The following GRIN3B variants were observed in gnomAD, a reference collection of about 807,000 sequenced individuals.
GRIN3B encodes glutamate receptor ionotropic, NMDA 3B.
GRIN3B carries 77 observed loss-of-function variants against 66.0 expected under a neutral mutation model. The ratio of observed to expected loss-of-function variants is 1.17; its 90% CI spans 0.97 to 1.41. The LOEUF is 1.41. Among genes scored for constraint, GRIN3B ranks in the 40% most tolerant of loss-of-function variants. GRIN3B has a pLI of 0.00. For synonymous variants in GRIN3B, 823 were observed against 749.7 expected (o/e 1.10, Z -1.60); for missense variants, 1,787 against 1,564.5 (o/e 1.14, Z -2.40).
In GRIN3B at chr19:1,009,410, C is replaced by A. The variant is rs1242542930; in HGVS notation, c.2940C>A (p.Pro980=). 7.0e-7 allele frequency: 1 copy of A among 1,435,508 alleles called. No individual in the cohort carries two copies. The allele number at this position is 1,435,508 out of a possible 1,614,324, so 88.9% of individuals were successfully genotyped here. The part of the protein sequence containing the change: ...PAARPTGAPQ[P]GELQELERRI... Reference sequence around the variant, plus strand: ...CAAGGCCCACGGGGGCCCCCCAGCCCGGGGAGCTGCAGGAGCTGGAGCGCC... The same window carrying A: ...CAAGGCCCACGGGGGCCCCCCAGCCAGGGGAGCTGCAGGAGCTGGAGCGCC... The change falls in exon 9 of 9, where the codon CCC becomes CCA. Residue 980 remains proline, a synonymous_variant. Transcript: ENST00000234389.
In GRIN3B at chr19:1,008,692, C is replaced by T. The variant is rs1001631342; in HGVS notation, c.2541C>T (p.Leu847=). The T allele has an allele frequency of 4.4e-6, 7 of 1,607,084 alleles. No homozygotes were observed. The highest frequency in any genetic ancestry group is 5.9e-6 in the Non-Finnish European group (7 of 1,179,740). The change falls in exon 7 of 9, where the codon CTC becomes CTT. Residue 847 remains leucine (L), a synonymous_variant. Transcript: ENST00000234389. ...LLCLGLGSAL[L]SSLGEHAFFR... is the part of the protein sequence containing the mutation. ...GCCTGGGCCTGGGCAGCGCTCTGCT[C>T]AGCTCGCTGGGCGAGCACGCCTTCT...
chr19:1,009,296 G>A lies in GRIN3B; in HGVS notation c.2826G>A (p.Val942=). The change falls in exon 9 of 9, where the codon GTG becomes GTA. Residue 942 remains valine, a synonymous_variant. Transcript: ENST00000234389. ...TGCGCTTCCTGCTGGAGCCCGCCGT[G>A]GTTGTGGCACCCGAAGCGGACGCGG... ...RRVRFLLEPA[V]VVAPEADAEA... 1 of 1,411,144 alleles carries A rather than the reference G, an allele frequency of 7.1e-7. No homozygotes were observed. The highest frequency in any genetic ancestry group is 9.2e-7 in the Non-Finnish European group (1 of 1,092,806). The allele number at this position is 1,411,144 out of a possible 1,614,324, so 87.4% of individuals were successfully genotyped here. A position where few individuals can be genotyped will look rare whatever the true frequency, so the allele number is the denominator to read the frequency against.
chr19:1,000,726 C>A lies in GRIN3B; in HGVS notation c.289C>A (p.Pro97Thr), dbSNP rs1421023282. The A allele has an allele frequency of 4.2e-6, 6 of 1,428,016 alleles. No homozygotes were observed. Among genetic ancestry groups the A allele is most frequent in the Non-Finnish European group, 5.5e-6 (6 of 1,093,770 alleles). The allele number at this position is 1,428,016 out of a possible 1,614,324, so 88.5% of individuals were successfully genotyped here. A position where few individuals can be genotyped will look rare whatever the true frequency, so the allele number is the denominator to read the frequency against. The change falls in exon 1 of 9, where the codon CCT becomes ACT. Residue 97 changes from proline to threonine, a missense_variant. Physicochemically the swap from Pro to Thr is conservative, Grantham distance 38. Coordinates refer to ENST00000234389, the MANE Select transcript of GRIN3B (RefSeq NM_138690.3). ...CCGCGGCCTGTGCCAGGCGCTGGTG[C>A]CTCCGGGCGTGGCGGCCCTGCTCGC... is the stretch of plus-strand genomic sequence containing the variant. The part of the protein sequence containing the change: ...LTRGLCQALV[P>T]PGVAALLAFP...
rs1308094794 is a variant in GRIN3B at position 1,009,153 on chromosome 19, C to T, written c.2703-20C>T. 9 of 1,451,408 alleles carry T rather than the reference C, an allele frequency of 6.2e-6. No homozygotes were observed. Among genetic ancestry groups the T allele is most frequent in the Non-Finnish European group, 8.1e-6 (9 of 1,111,154 alleles). The allele number at this position is 1,451,408 out of a possible 1,614,324, so 89.9% of individuals were successfully genotyped here. A position where few individuals can be genotyped will look rare whatever the true frequency, so the allele number is the denominator to read the frequency against. ...GACGGCTGCCCCGGCGGACACTGAC[C>T]AGGCCGGTTCCGTCCCCAGCGGCCC... On this transcript the variant is annotated intron_variant, in intron 8 of 8. Coordinates refer to ENST00000234389, the MANE Select transcript of GRIN3B (RefSeq NM_138690.3).
Position 1,005,076 on chromosome 19 carries a change from C to T in GRIN3B, c.1575C>T (p.Ala525=), listed in dbSNP as rs2038731530. 1.2e-6 allele frequency: 2 copies of T among 1,611,702 alleles called. No homozygotes were observed. Among genetic ancestry groups the T allele is most frequent in the Admixed American group, 3.3e-5 (2 of 59,952 alleles). ...GLVGDLLAGR[A]HMAVTSFSIN... ...TCGGGGACCTGCTGGCCGGCCGGGC[C>T]CACATGGCGGTCACCAGCTTCAGTA... Residue 525 remains alanine, a synonymous_variant, in exon 3 of 9, where the codon GCC becomes GCT. Coordinates refer to ENST00000234389, the MANE Select transcript of GRIN3B (RefSeq NM_138690.3). This position sits in a 1 kb window ranked among gnomAD's most constrained non-coding sequence, Gnocchi z 5.2.
Position 1,007,371 on chromosome 19 carries a change from C to G in GRIN3B, c.2053-257C>G, listed in dbSNP as rs940143263. On this transcript the variant is annotated intron_variant, in intron 3 of 8. Coordinates refer to ENST00000234389, the MANE Select transcript of GRIN3B (RefSeq NM_138690.3). This position sits in a 1 kb window ranked among gnomAD's most constrained non-coding sequence, Gnocchi z 4.4. ...CGAGGTCCAGGTGGAGATGGACTTGCCGGCGTTTAGAACAGAGGGTCTCCA... is the reference window on the plus strand; with the variant it reads ...CGAGGTCCAGGTGGAGATGGACTTGGCGGCGTTTAGAACAGAGGGTCTCCA... Among the ~76,000 whole-genome samples, 3 of 151,960 alleles carry G rather than the reference C, an allele frequency of 2.0e-5. No homozygotes were observed. Among genetic ancestry groups the G allele is most frequent in the African/African-American group, 7.3e-5 (3 of 41,346 alleles).
intron 6 of GRIN3B, 27 bp from the exon 7 acceptor site, chr19:1,008,591 G>C (rs768879018): frequency 6.3e-7 from 1 of 1,587,378 alleles, no homozygotes; most frequent in South Asian, 1.1e-5. Flanking sequence ...ACGTGACCGT[G>C]CGGGGCTCCT....
chr19:1,002,179 A>G (rs2038690180), intron 1 of GRIN3B: 1 of 152,042 alleles, frequency 6.6e-6, no homozygotes, highest in Admixed American at 6.6e-5. Context: ...AAATACAAAA[A>G]TTAACTGGGC....
At position 1,009,367 on chromosome 19, in the gene GRIN3B, A is replaced by ACGGC. The variant is rs1397935482; in HGVS notation, c.2900_2903dup (p.Ala972ArgfsTer25). 4.6e-5 allele frequency: 63 copies of ACGGC among 1,370,198 alleles called. No homozygotes were observed. The highest frequency in any genetic ancestry group is 1.9e-4 in the East Asian group (6 of 31,760). 84.9% of individuals were successfully genotyped at this position (1,370,198 alleles called of 1,614,324 possible). A position where few individuals can be genotyped will look rare whatever the true frequency, so the allele number is the denominator to read the frequency against. On this transcript the variant is annotated frameshift_variant, in exon 9 of 9. Transcript: ENST00000234389. LOFTEE classifies it low-confidence loss of function (END_TRUNC). The stretch of plus-strand genomic sequence containing the variant: ...GAGGGCCCCGTCTGGCTGTGCTCCT[A>ACGGC]CGGCCGCCCGCCCGCCGCAAGGCCC...
At position 1,004,655 on chromosome 19, in the gene GRIN3B, C is replaced by T. The variant is rs528711346; in HGVS notation, c.1154C>T (p.Thr385Met). ...CCACGGGGCGCCCCGGCCTGGGCCA[C>T]GGTGGGCAGCTGGCGGGACGGCCAG... The part of the protein sequence containing the change: ...RDPRGAPAWA[T>M]VGSWRDGQLD... The change falls in exon 3 of 9, where the codon ACG (threonine) becomes ATG (methionine). Residue 385 changes from threonine (T) to methionine (M), a missense_variant. Transcript: ENST00000234389. 1.6e-5 allele frequency: 25 copies of T among 1,599,334 alleles called. No individual in the cohort carries two copies. The highest frequency in any genetic ancestry group is 3.3e-5 in the South Asian group (3 of 89,844).
rs148406831 is a variant in GRIN3B at position 1,007,867 on chromosome 19, C to G, written c.2210C>G (p.Pro737Arg). Reference sequence around the variant, plus strand: ...CCCGGCCCCAGCAGGAGCGACCCCCCCAAGCTCAACGCCTTCATCATGGAC... The same window carrying G: ...CCCGGCCCCAGCAGGAGCGACCCCCGCAAGCTCAACGCCTTCATCATGGAC... Reference protein sequence around the residue: ...RGVAMLTSDPPKLNAFIMDKS... With the variant: ...RGVAMLTSDPRKLNAFIMDKS... Residue 737 changes from proline (P) to arginine (R), a missense_variant, in exon 5 of 9, where the codon CCC becomes CGC. By Grantham distance (103) the Pro-to-Arg change is moderately radical (BLOSUM62 -2). Coordinates refer to ENST00000234389, the MANE Select transcript of GRIN3B (RefSeq NM_138690.3). This position sits in a 1 kb window ranked among gnomAD's most constrained non-coding sequence, Gnocchi z 4.4. 5.4e-4 allele frequency: 871 copies of G among 1,610,804 alleles called. 1 individual carries two copies. The highest frequency in any genetic ancestry group is 6.8e-4 in the Non-Finnish European group (800 of 1,178,808).
rs769343539 is a variant in GRIN3B at position 1,008,168 on chromosome 19, GC to G, written c.2345del (p.Pro782ArgfsTer45). On this transcript the variant is annotated frameshift_variant, in exon 6 of 9. Transcript: ENST00000234389. LOFTEE classifies it high-confidence loss of function. ...GYGIGLPQNS[P>X]LTSNLSEFIS... is the part of the protein sequence containing the mutation. ...ATGGGATCGGACTGCCCCAGAACTCGCCGCTCACCTCCAACCTGTCCGAGTT... is the reference window on the plus strand; with the variant it reads ...ATGGGATCGGACTGCCCCAGAACTCGCGCTCACCTCCAACCTGTCCGAGTT... 5.7e-5 allele frequency: 92 copies of G among 1,603,542 alleles called. No individual in the cohort carries two copies. Among genetic ancestry groups the G allele is most frequent in the Non-Finnish European group, 7.6e-5 (89 of 1,175,836 alleles).
chr19:1,009,721 T>G lies in GRIN3B; in HGVS notation c.*119T>G, dbSNP rs893088933. Reference sequence around the variant, plus strand: ...TACACTGCAATTAAATAGAATGGAATGAGCGCTCCTCCGCATTCCTCCCCG... The same window carrying G: ...TACACTGCAATTAAATAGAATGGAAGGAGCGCTCCTCCGCATTCCTCCCCG... On this transcript the variant is annotated 3_prime_UTR_variant, in exon 9 of 9. Transcript: ENST00000234389. 1 of 895,426 alleles carries G rather than the reference T, an allele frequency of 1.1e-6. No individual in the cohort carries two copies. 55.5% of individuals were successfully genotyped at this position (895,426 alleles called of 1,614,324 possible). A position where few individuals can be genotyped will look rare whatever the true frequency, so the allele number is the denominator to read the frequency against.
intron 2 of GRIN3B, 47 bp from the exon 3 acceptor site, chr19:1,004,473 GA>G: frequency 6.7e-7 from 1 of 1,485,928 alleles, no homozygotes; most frequent in Non-Finnish European, 9.2e-7. Flanking sequence ...TGAGAGGATG[GA>G]GGGGTGTGAA....
chr19:1,008,726 G>C lies in GRIN3B; in HGVS notation c.2575G>C (p.Ala859Pro). ...SLGEHAFFRLALPRIRKGSRL... is the reference protein window; with the variant it reads ...SLGEHAFFRLPLPRIRKGSRL... The stretch of plus-strand genomic sequence containing the variant: ...GGGCGAGCACGCCTTCTTCCGCCTG[G>C]CGCTGCCGCGCATCCGCAAGGGGAG... Residue 859 changes from alanine to proline, a missense_variant, in exon 7 of 9, where the codon GCG (alanine) becomes CCG (proline). Ala to Pro is a conservative substitution (Grantham distance 27, BLOSUM62 -1). Coordinates refer to ENST00000234389, the MANE Select transcript of GRIN3B (RefSeq NM_138690.3). The C allele has an allele frequency of 6.2e-7, 1 of 1,608,318 alleles. No individual in the cohort carries two copies. Among genetic ancestry groups the C allele is most frequent in the Non-Finnish European group, 8.5e-7 (1 of 1,178,718 alleles).
At chr19:1,008,469 C>A in intron 6 of GRIN3B, 149 bp from the exon 7 acceptor site, 1 of 1,051,092 alleles carries the variant, frequency 9.5e-7, no homozygotes, top group Non-Finnish European at 1.4e-6. Context: ...TGAAACCTCA[C>A]TCCCCCCAGC....
rs1250055034 is a variant in GRIN3B at position 1,000,644 on chromosome 19, C to A, written c.207C>A (p.Asn69Lys). Reference sequence around the variant, plus strand: ...CCCTGGCGCCGCGGCTGCCGCACAACCTGAGCTTGGAGCTGGTGGTCGCCG... The same window carrying A: ...CCCTGGCGCCGCGGCTGCCGCACAAACTGAGCTTGGAGCTGGTGGTCGCCG... ...RAALAPRLPH[N>K]LSLELVVAAP... is the part of the protein sequence containing the mutation. The change falls in exon 1 of 9, where the codon AAC becomes AAA. Residue 69 changes from asparagine (N) to lysine (K), a missense_variant. Coordinates refer to ENST00000234389, the MANE Select transcript of GRIN3B (RefSeq NM_138690.3). 8 of 1,281,664 alleles carry A rather than the reference C, an allele frequency of 6.2e-6. No homozygotes were observed. In the Admixed American group the frequency reaches 2.2e-4, roughly 35 times the overall value. 79.4% of individuals were successfully genotyped at this position (1,281,664 alleles called of 1,614,324 possible). A position where few individuals can be genotyped will look rare whatever the true frequency, so the allele number is the denominator to read the frequency against.
chr19:1,005,591 G>T lies in GRIN3B; in HGVS notation c.2052+38G>T. 6.7e-7 allele frequency: 1 copy of T among 1,488,726 alleles called. No homozygotes were observed. Among genetic ancestry groups the T allele is most frequent in the Non-Finnish European group, 9.0e-7 (1 of 1,110,344 alleles). 92.2% of individuals were successfully genotyped at this position (1,488,726 alleles called of 1,614,324 possible). A position where few individuals can be genotyped will look rare whatever the true frequency, so the allele number is the denominator to read the frequency against. Reference sequence around the variant, plus strand: ...GGGGGGCTGCGGGTGGCCTTGGGGGGCTAGCGGTGGCCCCGGGCTGGGCTG... The same window carrying T: ...GGGGGGCTGCGGGTGGCCTTGGGGGTCTAGCGGTGGCCCCGGGCTGGGCTG... On this transcript the variant is annotated intron_variant, in intron 3 of 8. Coordinates refer to ENST00000234389, the MANE Select transcript of GRIN3B (RefSeq NM_138690.3). The surrounding 1 kb of genome is among the most constrained non-coding windows in gnomAD (Gnocchi z 5.2).
chr19:1,008,080 C>T (rs1026601542), intron 5 of GRIN3B, 60 bp from the exon 6 acceptor site: 5 of 1,562,156 alleles, frequency 3.2e-6, no homozygotes, highest in Non-Finnish European at 8.7e-7. Context: ...CCCACGTGTG[C>T]GGGCAGAGTT....
Sources: allele counts gnomAD v4.1 joint callset (sites outside exome capture counted in the v4.1 genomes callset), GRCh38; gene constraint gnomAD v4.1.1; non-coding constraint Gnocchi (gnomAD v3.1); transcripts MANE v1.5; gene names NCBI Gene and HGNC (gene_info 2026-07-23, HGNC 2026-07-21).